Variants in SLC30A9 observed in about 807,000 individuals in gnomAD.
The protein encoded by SLC30A9 is proton-coupled zinc antiporter SLC30A9, mitochondrial.
A neutral mutation model predicts 87.5 loss-of-function variants in SLC30A9; 58 were observed. The observed-to-expected ratio is 0.66, with a 90% CI of 0.54 to 0.82. SLC30A9 has a LOEUF of 0.82. Among genes scored for constraint, SLC30A9 ranks in the 40% least tolerant of loss-of-function variants. SLC30A9 has a pLI of 0.00. For missense variants in SLC30A9, 557 were observed against 679.1 expected (o/e 0.82, Z 2.00); for synonymous variants, 234 against 233.0 (o/e 1.00, Z -0.04).
At chr4:42,052,885 T>C (rs1717438398) in intron 9 of SLC30A9, among the ~76,000 whole-genome samples, 1 of 152,194 alleles carries the variant, frequency 6.6e-6, no homozygotes, top group African/African-American at 2.4e-5. Context: ...TTCAACTTCA[T>C]CAAAATTAAA....
At position 42,022,536 on chromosome 4, in the gene SLC30A9, A is replaced by G. The variant is rs115920300; in HGVS notation, c.435-302A>G. 3.2e-3 allele frequency among the ~76,000 whole-genome samples: 489 copies of G among 152,168 alleles called. 2 individuals carry two copies. Among genetic ancestry groups the G allele is most frequent in the African/African-American group, 0.011 (468 of 41,514 alleles). On this transcript the variant is annotated intron_variant, in intron 4 of 17. Coordinates refer to ENST00000264451, the MANE Select transcript of SLC30A9 (RefSeq NM_006345.4). ...CCTAACTTTTCACTTTTTTCCCCATATATTAGAGATGGCAGTGGTGTGCCC... is the reference window on the plus strand; with the variant it reads ...CCTAACTTTTCACTTTTTTCCCCATGTATTAGAGATGGCAGTGGTGTGCCC...
chr4:41,994,143 G>A (rs761079299), intron 1 of SLC30A9, among the ~76,000 whole-genome samples: 7 of 146,416 alleles, frequency 4.8e-5, no homozygotes, highest in African/African-American at 1.7e-4. Flanking sequence ...GGCGACGAGC[G>A]AAACTCCATC....
At chr4:42,047,396 A>G (rs192419902) in intron 8 of SLC30A9, among the ~76,000 whole-genome samples, 1 of 152,300 alleles carries the variant, frequency 6.6e-6, no homozygotes, top group Non-Finnish European at 1.5e-5. Flanking sequence ...AAAACAAACA[A>G]CTGCATCAAA....
At chr4:42,000,935 G>C (rs1714957765) in intron 1 of SLC30A9, among the ~76,000 whole-genome samples, 1 of 152,038 alleles carries the variant, frequency 6.6e-6, no homozygotes, top group Admixed American at 6.5e-5. Flanking sequence ...GGTAAAAAAA[G>C]AGAAGGAGGG....
chr4:42,012,655 G>C (rs1453995672), intron 2 of SLC30A9, among the ~76,000 whole-genome samples: 1 of 152,038 alleles, frequency 6.6e-6, no homozygotes, highest in Admixed American at 6.5e-5. Context: ...AGTTATTACT[G>C]ACTATAGTCA....
At position 42,001,666 on chromosome 4, in the gene SLC30A9, A is replaced by G. The variant is rs957360246; in HGVS notation, c.160A>G (p.Ser54Gly). Residue 54 changes from serine (S) to glycine (G), a missense_variant, in exon 2 of 18, where the codon AGT becomes GGT. Transcript: ENST00000264451. ...FGSFSNMVPC[S>G]HPYIGTLSQV... ...AAGCTTTTCAAACATGGTTCCCTGT[A>G]GTCATCCATATATTGGTACCCTGAG... 3 of 1,606,520 alleles carry G rather than the reference A, an allele frequency of 1.9e-6. No individual in the cohort carries two copies. Among genetic ancestry groups the G allele is most frequent in the Admixed American group, 1.7e-5 (1 of 59,746 alleles).
At chr4:42,006,359 A>G (rs1262804639) in intron 2 of SLC30A9, among the ~76,000 whole-genome samples, 1 of 152,166 alleles carries the variant, frequency 6.6e-6, no homozygotes. Context: ...AAAGATTTCC[A>G]TAAGGAAATG....
chr4:42,050,328 CTA>C (rs1717334752), intron 9 of SLC30A9, among the ~76,000 whole-genome samples: 2 of 152,100 alleles, frequency 1.3e-5, no homozygotes. Context: ...AATACTGTCT[CTA>C]TAAAATTTTA....
Position 42,018,553 on chromosome 4 carries a change from A to G in SLC30A9, c.334+383A>G, listed in dbSNP as rs187825278. ...TGACTTTATTTTCTAGGAGAAATTGAAGGAATTCCTGTTTGTAGCTCTCTT... is the reference window on the plus strand; with the variant it reads ...TGACTTTATTTTCTAGGAGAAATTGGAGGAATTCCTGTTTGTAGCTCTCTT... On this transcript the variant is annotated intron_variant, in intron 3 of 17. Coordinates refer to ENST00000264451, the MANE Select transcript of SLC30A9 (RefSeq NM_006345.4). 262 of 587,296 alleles carry G rather than the reference A, an allele frequency of 4.5e-4. 2 individuals are homozygous for G. The African/African-American group carries it at 5.0e-3, about 11-fold the overall frequency. The allele number at this position is 587,296 out of a possible 1,614,324, so 36.4% of individuals were successfully genotyped here.
chr4:42,055,637 T>C (rs1028470592), intron 9 of SLC30A9, among the ~76,000 whole-genome samples: 9 of 152,242 alleles, frequency 5.9e-5, no homozygotes, highest in Admixed American at 2.6e-4. Context: ...AACTTTTCTG[T>C]TAAATATTGC....
chr4:42,031,967 C>T (rs1406116578), intron 6 of SLC30A9, among the ~76,000 whole-genome samples: 1 of 152,122 alleles, frequency 6.6e-6, no homozygotes, highest in South Asian at 2.1e-4. Context: ...TTAATTAGCT[C>T]ACAGTTCTGC....
intron 16 of SLC30A9, among the ~76,000 whole-genome samples, chr4:42,077,532 T>C (rs1003991096): frequency 6.6e-6 from 1 of 152,138 alleles, no homozygotes; most frequent in Non-Finnish European, 1.5e-5. Context: ...GCCTCCCAAG[T>C]AGCTAGGATT....
chr4:42,052,769 C>T (rs1166875567), intron 9 of SLC30A9, among the ~76,000 whole-genome samples: 1 of 152,194 alleles, frequency 6.6e-6, no homozygotes, highest in Non-Finnish European at 1.5e-5. Flanking sequence ...AAAGTTAAAA[C>T]TATGAAGATT....
chr4:42,076,931 C>G (rs975042880), intron 16 of SLC30A9, among the ~76,000 whole-genome samples: 1 of 141,470 alleles, frequency 7.1e-6, no homozygotes, highest in African/African-American at 2.6e-5. Context: ...CACTGCACTC[C>G]AGCCTGGGCG....
At chr4:42,080,536 TTGA>T (rs1442915199) in intron 17 of SLC30A9, among the ~76,000 whole-genome samples, 1 of 152,218 alleles carries the variant, frequency 6.6e-6, no homozygotes, top group Non-Finnish European at 1.5e-5. Context: ...CATCTGAGAC[TTGA>T]TGACCAGAGA....
rs867053534 is a variant in SLC30A9 at position 42,069,311 on chromosome 4, T to C, written c.1253-1215T>C. Among the ~76,000 whole-genome samples, 6 of 152,314 alleles carry C rather than the reference T, an allele frequency of 3.9e-5. No homozygotes were observed. In the South Asian group the frequency reaches 6.2e-4, roughly 16 times the overall value. Reference sequence around the variant, plus strand: ...AATTTTTCTTAATTAGCTAATTTATTCAAATTAAATTAAATAACATGCCAA... The same window carrying C: ...AATTTTTCTTAATTAGCTAATTTATCCAAATTAAATTAAATAACATGCCAA... On this transcript the variant is annotated intron_variant, in intron 14 of 17. Coordinates refer to ENST00000264451, the MANE Select transcript of SLC30A9 (RefSeq NM_006345.4).
chr4:42,067,495 A>G (rs1718124226), intron 14 of SLC30A9, among the ~76,000 whole-genome samples: 1 of 152,224 alleles, frequency 6.6e-6, no homozygotes, highest in African/African-American at 2.4e-5. Flanking sequence ...TTATTTACCT[A>G]TAAAAGTGTG....
chr4:42,079,903 A>G (rs897305829), intron 17 of SLC30A9, among the ~76,000 whole-genome samples: 1 of 152,232 alleles, frequency 6.6e-6, no homozygotes, highest in African/African-American at 2.4e-5. Context: ...AGCGTGAGCC[A>G]CCATGCCAAG....
intron 4 of SLC30A9, 97 bp downstream of exon 4, chr4:42,020,612 G>A (rs918945814): frequency 1.7e-6 from 1 of 595,330 alleles, no homozygotes; most frequent in African/African-American, 1.9e-5. Context: ...TCCATATATG[G>A]AAAATTTGCT....
Sources: gnomAD v4.1 joint callset for allele counts (sites outside exome capture counted in the v4.1 genomes callset) on GRCh38, gnomAD v4.1.1 for gene constraint, MANE v1.5 for transcripts, NCBI Gene and HGNC (gene_info 2026-07-23, HGNC 2026-07-21) for gene names.